Variants in ZBTB37 observed in about 807,000 individuals in gnomAD.
The protein encoded by ZBTB37 is zinc finger and BTB domain-containing protein 37.
ZBTB37 carries 15 observed loss-of-function variants against 37.7 expected under a neutral mutation model. That is an observed-to-expected ratio of 0.40 (90% CI 0.27 to 0.61). The LOEUF (loss-of-function observed/expected upper bound fraction) is 0.61, where lower values mean the gene tolerates loss of function less well. Ranked by LOEUF, ZBTB37 falls within the 20% of genes least tolerant of loss-of-function variation. The pLI, the probability that ZBTB37 is intolerant of heterozygous loss-of-function variation, is 0.44. For missense variants in ZBTB37, 514 were observed against 641.9 expected, an observed-to-expected ratio of 0.80 and a Z score of 2.15; for synonymous variants, 231 against 220.6, an observed-to-expected ratio of 1.05 and a Z score of -0.42.
chr1:173,874,689 T>C (rs923536622), intron 4 of ZBTB37, among the ~76,000 whole-genome samples: 10 of 152,168 alleles, frequency 6.6e-5, no homozygotes, highest in Non-Finnish European at 1.5e-4. Context: ...TAGTAAATTA[T>C]TGAAAGCTTC....
rs549146586 is a variant in ZBTB37, at chr1:173,872,194, G to A, written c.923+1046G>A. ...CACCATTCTTCTGCCTCAGCCTCCC[G>A]AGTAGCTGGGACTACAGGTCCCTGC... On this transcript the variant is annotated intron_variant, in intron 3 of 4. Transcript: ENST00000427304. 9.2e-5 allele frequency among the ~76,000 whole-genome samples: 14 copies of A among 151,820 alleles called. 1 individual carries two copies. Among genetic ancestry groups the A allele is most frequent in the South Asian group, 4.2e-4 (2 of 4,792 alleles).
intron 3 of ZBTB37, among the ~76,000 whole-genome samples, chr1:173,872,428 A>T (rs1000405263): frequency 2.6e-5 from 4 of 152,026 alleles, no homozygotes; most frequent in African/African-American, 9.7e-5. Flanking sequence ...GTTAGAGTGC[A>T]GTGGTGCAAT....
chr1:173,873,185 C>T (rs1402423538), intron 3 of ZBTB37, among the ~76,000 whole-genome samples: 1 of 152,098 alleles, frequency 6.6e-6, no homozygotes, highest in Admixed American at 6.5e-5. Context: ...CTTTTATGGT[C>T]TCCCAGTATT....
intron 4 of ZBTB37, 148 bp from the exon 5 acceptor site, chr1:173,885,488 C>T (rs1656570428): frequency 1.5e-6 from 1 of 685,038 alleles, no homozygotes; most frequent in East Asian, 2.8e-5. Context: ...ATGGTAATAT[C>T]TTTACTTTTT....
At chr1:173,876,126 T>G (rs1354322694) in intron 4 of ZBTB37, among the ~76,000 whole-genome samples, 1 of 152,142 alleles carries the variant, frequency 6.6e-6, no homozygotes, top group Non-Finnish European at 1.5e-5. Context: ...TTTGCTCATT[T>G]TTTTTTTCTC....
exon 4 of ZBTB37, chr1:173,894,190 G>A (rs923783591): frequency 1.3e-5 from 2 of 152,168 alleles, no homozygotes; most frequent in Non-Finnish European, 2.9e-5. Context: ...AGTGAGTGAG[G>A]TACTATCAAG....
rs1156598476 is a variant in ZBTB37, at chr1:173,875,317, C to CAT, written c.1023+1764_1023+1765dup. Among the ~76,000 whole-genome samples the CAT allele has an allele frequency of 1.2e-3, 149 of 122,030 alleles. 1 individual carries two copies. The highest frequency in any genetic ancestry group is 2.5e-3 in the South Asian group (10 of 4,010). 80.1% of individuals were successfully genotyped at this position (122,030 alleles called of 152,430 possible). ...CATTTTATTTATATATATATGTGTG[C>CAT]ATATATATATATATTTTTTTTTTTT... On this transcript the variant is annotated intron_variant, in intron 4 of 4. Coordinates refer to ENST00000427304, the Ensembl canonical transcript of ZBTB37.
At chr1:173,870,305 T>C (rs199533567) in exon 3 of ZBTB37, 1 of 1,614,244 alleles carries the variant, frequency 6.2e-7, no homozygotes, top group Non-Finnish European at 8.5e-7. Context: ...CAGTTGCGCA[T>C]GCAGGGCCGT....
chr1:173,868,902 GT>G (rs1443022797), intron 1 of ZBTB37, 22 bp from the exon 2 acceptor site: 2 of 152,748 alleles, frequency 1.3e-5, no homozygotes, highest in African/African-American at 4.8e-5. Flanking sequence ...ACCCCATGCC[GT>G]TCCCAATTCT....
chr1:173,870,819 C>G (rs376032662), exon 3 of ZBTB37: 1 of 1,614,090 alleles, frequency 6.2e-7, no homozygotes, highest in Non-Finnish European at 8.5e-7. Flanking sequence ...GCCCTCAGAT[C>G]ATTGAACCAA....
exon 4 of ZBTB37, chr1:173,893,403 A>G (rs533748898): frequency 5.2e-4 from 79 of 152,324 alleles, no homozygotes; most frequent in African/African-American, 1.8e-3. Context: ...AATATTAAGT[A>G]CTTTTTGATA....
chr1:173,870,691 A>G, exon 3 of ZBTB37: 4 of 1,614,192 alleles, frequency 2.5e-6, no homozygotes, highest in Non-Finnish European at 3.4e-6. Context: ...TCACAGGGTT[A>G]CACCAAATCT....
At chr1:173,888,817 G>A (rs1421246567), downstream of ZBTB37, 3 of 152,180 alleles carry the variant, frequency 2.0e-5, no homozygotes, top group African/African-American at 7.2e-5. Context: ...AATTTTAAAG[G>A]TGAAGTGCAG....
intron 4 of ZBTB37, among the ~76,000 whole-genome samples, chr1:173,874,864 T>C (rs1655833088): frequency 6.6e-6 from 1 of 152,178 alleles, no homozygotes; most frequent in Admixed American, 6.5e-5. Flanking sequence ...GCCTGACTTG[T>C]TATGTAAAAA....
At chr1:173,869,304 T>C (rs1409368319) in intron 2 of ZBTB37, among the ~76,000 whole-genome samples, 184 bp downstream of exon 2, 1 of 152,210 alleles carries the variant, frequency 6.6e-6, no homozygotes, top group Non-Finnish European at 1.5e-5. Flanking sequence ...TGTCTTCCTG[T>C]TCGGATTTAT....
downstream of ZBTB37, chr1:173,887,823 T>C (rs1441591689): frequency 2.6e-5 from 4 of 152,214 alleles, no homozygotes; most frequent in Non-Finnish European, 5.9e-5. Flanking sequence ...GAACCATCTG[T>C]GAGAATGTTA....
chr1:173,899,789 C>T (rs922479297), exon 4 of ZBTB37: 5 of 152,176 alleles, frequency 3.3e-5, no homozygotes, highest in African/African-American at 1.2e-4. Flanking sequence ...TATTGATATT[C>T]CATGCATGGC....
chr1:173,884,300 G>A (rs531499376), intron 4 of ZBTB37, among the ~76,000 whole-genome samples: 10 of 151,740 alleles, frequency 6.6e-5, no homozygotes, highest in African/African-American at 2.2e-4. Context: ...CTACATGTGC[G>A]CACCTCCACA....
intron 1 of ZBTB37, 142 bp from the exon 2 acceptor site, chr1:173,868,783 T>C (rs1235167939): frequency 6.5e-6 from 1 of 153,002 alleles, no homozygotes; most frequent in South Asian, 2.1e-4. Context: ...CCCGACGCCT[T>C]GTCCCCATCT....
Sources: gnomAD v4.1 joint callset for allele counts (sites outside exome capture counted in the v4.1 genomes callset) on GRCh38, gnomAD v4.1.1 for gene constraint, MANE v1.5 for transcripts, NCBI Gene and HGNC (gene_info 2026-07-23, HGNC 2026-07-21) for gene names.